The following CAMTA1 variants were observed in gnomAD, a reference collection of about 807,000 sequenced individuals.
CAMTA1 encodes the protein calmodulin-binding transcription activator 1.
A neutral mutation model predicts 170.9 loss-of-function variants in CAMTA1; 27 were observed. The ratio of observed to expected loss-of-function variants is 0.16; its 90% CI spans 0.12 to 0.22. The LOEUF is 0.22. CAMTA1 is among the 10% of genes least tolerant of loss of function. The pLI is 1.00. For synonymous variants in CAMTA1, 833 were observed against 891.5 expected (o/e 0.93, Z 1.17); for missense variants, 1,619 against 2,217.2 (o/e 0.73, Z 5.42).
chr1:7,625,418 T>C (rs2095626847), intron 6 of CAMTA1, among the ~76,000 whole-genome samples: 1 of 152,258 alleles, frequency 6.6e-6, no homozygotes, highest in African/African-American at 2.4e-5. Context: ...TCTGCCCCCA[T>C]CGGGCTGACA....
chr1:7,166,636 T>C (rs1648502758), intron 4 of CAMTA1, among the ~76,000 whole-genome samples: 1 of 152,242 alleles, frequency 6.6e-6, no homozygotes, highest in Non-Finnish European at 1.5e-5. Flanking sequence ...TTTTCCTTGC[T>C]ATTGGATTGT....
chr1:7,140,254 C>T (rs1274471325), intron 4 of CAMTA1, among the ~76,000 whole-genome samples: 3 of 152,126 alleles, frequency 2.0e-5, no homozygotes, highest in African/African-American at 7.2e-5. Flanking sequence ...TTTTGTCTTC[C>T]TATAGAGACT....
chr1:7,228,570 A>T (rs1662127174), intron 4 of CAMTA1, among the ~76,000 whole-genome samples: 1 of 152,208 alleles, frequency 6.6e-6, no homozygotes, highest in East Asian at 1.9e-4. Context: ...AGAAGACCCC[A>T]AGATAAAGGG....
At chr1:7,269,584 A>G (rs1198340524) in intron 5 of CAMTA1, among the ~76,000 whole-genome samples, 2 of 152,230 alleles carry the variant, frequency 1.3e-5, no homozygotes, top group African/African-American at 2.4e-5. Context: ...GGTTATCGCA[A>G]TGGGATTAAT....
chr1:7,518,035 T>TC (rs1456016501), intron 6 of CAMTA1, among the ~76,000 whole-genome samples: 2 of 151,950 alleles, frequency 1.3e-5, no homozygotes, highest in Non-Finnish European at 2.9e-5. Context: ...GAGAAGCTTC[T>TC]CCCACTGGGG....
At chr1:7,128,395 C>T (rs1373305633) in intron 4 of CAMTA1, among the ~76,000 whole-genome samples, 3 of 152,166 alleles carry the variant, frequency 2.0e-5, no homozygotes, top group Non-Finnish European at 2.9e-5. Flanking sequence ...GCTGAGGTGA[C>T]ATTTAGCTAA....
chr1:7,533,398 G>A (rs987554603), intron 6 of CAMTA1, among the ~76,000 whole-genome samples: 1 of 152,248 alleles, frequency 6.6e-6, no homozygotes, highest in African/African-American at 2.4e-5. Flanking sequence ...AGCTGGGGCT[G>A]AAGAAGGGCT....
chr1:7,680,864 G>GCGCGCGC lies in CAMTA1; in HGVS notation c.2914+3132_2914+3133insGCGCGCC. 7.4e-6 allele frequency among the ~76,000 whole-genome samples: 1 copy of GCGCGCGC among 135,574 alleles called. No individual in the cohort carries two copies. 88.9% of individuals were successfully genotyped at this position (135,574 alleles called of 152,430 possible). A position where few individuals can be genotyped will look rare whatever the true frequency, so the allele number is the denominator to read the frequency against. On this transcript the variant is annotated intron_variant, in intron 11 of 22. Coordinates refer to ENST00000303635, the MANE Select transcript of CAMTA1 (RefSeq NM_015215.4). This position sits in a 1 kb window ranked among gnomAD's most constrained non-coding sequence, Gnocchi z 4.4. ...AACACGCGCGCGCGCGCGCGCGCCA[G>GCGCGCGC]CAGCAGCAGCAGCAGCAGCTGCTGC... is the stretch of plus-strand genomic sequence containing the variant.
At chr1:7,118,609 C>G (rs985376223) in intron 4 of CAMTA1, among the ~76,000 whole-genome samples, 1 of 152,038 alleles carries the variant, frequency 6.6e-6, no homozygotes, top group African/African-American at 2.4e-5. Flanking sequence ...TGATTCTACT[C>G]AAAAGGTGGT....
In CAMTA1 at chr1:7,271,565, GAGATAGATAGATAGAT is replaced by G. The variant is rs138661434; in HGVS notation, c.438+21973_438+21988del. On this transcript the variant is annotated intron_variant, in intron 5 of 22. Transcript: ENST00000303635. ...TAAACTGTTAATTACACTGAGAAAAGAGATAGATAGATAGATAGATAGATAGATAGATAGATAGATA... is the reference window on the plus strand; with the variant it reads ...TAAACTGTTAATTACACTGAGAAAAGAGATAGATAGATAGATAGATAGATA... 3.7e-3 allele frequency among the ~76,000 whole-genome samples: 534 copies of G among 142,854 alleles called. 4 individuals are homozygous for G. The highest frequency in any genetic ancestry group is 0.012 in the African/African-American group (447 of 38,774). The allele number at this position is 142,854 out of a possible 152,430, so 93.7% of individuals were successfully genotyped here.
At chr1:6,921,987 A>G (rs957692832) in intron 3 of CAMTA1, among the ~76,000 whole-genome samples, 2 of 152,216 alleles carry the variant, frequency 1.3e-5, no homozygotes, top group African/African-American at 4.8e-5. Context: ...ATTAAAAGCC[A>G]GTTGTCAGCT....
chr1:7,605,484 ATG>A (rs565458976), intron 6 of CAMTA1, among the ~76,000 whole-genome samples: 352 of 152,378 alleles, frequency 2.3e-3, no homozygotes, highest in African/African-American at 8.2e-3. Flanking sequence ...CCTCTGAGCC[ATG>A]TGTGGGATAT....
chr1:7,149,243 C>T (rs1646422655), intron 4 of CAMTA1, among the ~76,000 whole-genome samples: 2 of 152,204 alleles, frequency 1.3e-5, no homozygotes, highest in Admixed American at 1.3e-4. Flanking sequence ...GGGTGCTCCT[C>T]CCTGAAGGAC....
intron 11 of CAMTA1, chr1:7,694,496 C>T (rs2149437335): frequency 6.6e-6 from 1 of 152,556 alleles, no homozygotes; most frequent in African/African-American, 2.4e-5. Flanking sequence ...ACATATGATT[C>T]CAATCACCTT....
chr1:7,531,021 T>TGGCCA (rs1350546206), intron 6 of CAMTA1, among the ~76,000 whole-genome samples: 2 of 152,022 alleles, frequency 1.3e-5, no homozygotes, highest in Non-Finnish European at 2.9e-5. Context: ...TTCACCATGT[T>TGGCCA]GGCCAGGCTG....
chr1:7,618,401 C>T (rs1325520607), intron 6 of CAMTA1, among the ~76,000 whole-genome samples: 1 of 152,192 alleles, frequency 6.6e-6, no homozygotes, highest in Non-Finnish European at 1.5e-5. Flanking sequence ...TATGCCCACT[C>T]CTCTTTATCC....
At chr1:7,118,462 A>T (rs1426429413) in intron 4 of CAMTA1, among the ~76,000 whole-genome samples, 1 of 149,426 alleles carries the variant, frequency 6.7e-6, no homozygotes, top group African/African-American at 2.5e-5. Context: ...CTGGCTAATT[A>T]AAAAAAAAAT....
At chr1:7,378,866 C>G (rs1279888815) in intron 5 of CAMTA1, among the ~76,000 whole-genome samples, 1 of 152,080 alleles carries the variant, frequency 6.6e-6, no homozygotes, top group African/African-American at 2.4e-5. Flanking sequence ...AAGTGGGGAC[C>G]CAGGGGCCAG....
intron 1 of CAMTA1, among the ~76,000 whole-genome samples, chr1:6,796,583 C>T (rs773463050): frequency 6.6e-5 from 10 of 151,968 alleles, no homozygotes; most frequent in Non-Finnish European, 1.3e-4. Flanking sequence ...ATTTTCTTGC[C>T]TTTGACATAT....
Sources: allele counts gnomAD v4.1 joint callset (sites outside exome capture counted in the v4.1 genomes callset), GRCh38; gene constraint gnomAD v4.1.1; non-coding constraint Gnocchi (gnomAD v3.1); transcripts MANE v1.5; gene names NCBI Gene and HGNC (gene_info 2026-07-23, HGNC 2026-07-21).